Variants in NEGR1 observed in about 807,000 individuals in gnomAD.
NEGR1 encodes neuronal growth regulator 1.
NEGR1 carries 10 observed loss-of-function variants against 40.9 expected under a neutral mutation model. The ratio of observed to expected loss-of-function variants is 0.24; its 90% confidence interval spans 0.15 to 0.42. NEGR1 has a LOEUF of 0.42. NEGR1 is among the 10% of genes least tolerant of loss of function. The pLI is 1.00. For synonymous variants in NEGR1, 185 were observed against 166.8 expected (o/e 1.11, Z -0.84); for missense variants, 352 against 438.9 (o/e 0.80, Z 1.77).
At chr1:71,942,977 A>ATATATATATAT (rs1557446726) in intron 1 of NEGR1, among the ~76,000 whole-genome samples, 15 of 119,496 alleles carry the variant, frequency 1.3e-4, no homozygotes, top group African/African-American at 4.3e-4. Flanking sequence ...TATATATATA[A>ATATATATATAT]GTATATATGT....
chr1:72,036,909 A>G (rs574330018), intron 1 of NEGR1, among the ~76,000 whole-genome samples: 1 of 152,074 alleles, frequency 6.6e-6, no homozygotes, highest in South Asian at 2.1e-4. Context: ...AATGTGTGGC[A>G]CAAGGTAGAG....
intron 6 of NEGR1, among the ~76,000 whole-genome samples, chr1:71,487,246 T>C (rs750760446): frequency 2.0e-5 from 3 of 151,658 alleles, no homozygotes; most frequent in Non-Finnish European, 3.0e-5. Flanking sequence ...TAACACTTTG[T>C]CTAATGTCAT....
chr1:71,748,464 G>C (rs1052350252), intron 3 of NEGR1, among the ~76,000 whole-genome samples: 10 of 151,870 alleles, frequency 6.6e-5, no homozygotes, highest in African/African-American at 2.4e-4. Context: ...TATTTTCTTA[G>C]GTTTTAAACA....
chr1:71,729,871 G>T (rs1360492701), intron 3 of NEGR1, among the ~76,000 whole-genome samples: 1 of 150,654 alleles, frequency 6.6e-6, no homozygotes, highest in Non-Finnish European at 1.5e-5. Context: ...GTAAAGATGG[G>T]GTTTTTCCAT....
At chr1:72,080,374 G>A (rs951566196) in intron 1 of NEGR1, among the ~76,000 whole-genome samples, 29 of 151,718 alleles carry the variant, frequency 1.9e-4, no homozygotes, top group African/African-American at 5.3e-4. Context: ...CAGATTTATC[G>A]TATTATTTAA....
At chr1:72,129,333 G>C (rs371023931) in intron 1 of NEGR1, among the ~76,000 whole-genome samples, 1 of 151,924 alleles carries the variant, frequency 6.6e-6, no homozygotes, top group Admixed American at 6.6e-5. Context: ...TGACCAAAAC[G>C]TATTTACTTT....
At chr1:71,899,731 CTG>C (rs1478856814) in intron 2 of NEGR1, among the ~76,000 whole-genome samples, 2 of 152,126 alleles carry the variant, frequency 1.3e-5, no homozygotes, top group East Asian at 1.9e-4. Flanking sequence ...GGGAATGACT[CTG>C]TTTTTATCAG....
chr1:71,956,557 AT>A (rs143711579), intron 1 of NEGR1, among the ~76,000 whole-genome samples: 1,646 of 152,164 alleles, frequency 0.011, 37 homozygotes, highest in African/African-American at 0.038. Context: ...TATTAGTAAA[AT>A]TTTGTCATCA....
Position 71,714,753 on chromosome 1 carries a change from G to A in NEGR1, c.536-16614C>T, listed in dbSNP as rs147095424. Among the ~76,000 whole-genome samples, 334 of 152,332 alleles carry A rather than the reference G, an allele frequency of 2.2e-3. 1 individual carries two copies. Among genetic ancestry groups the A allele is most frequent in the African/African-American group, 7.6e-3 (317 of 41,586 alleles). ...TGAGAAGCTCCCATGGCCTTGGCCAGCTCCAGCCCTGTGGATTTGCAGGGT... is the reference window on the plus strand; with the variant it reads ...TGAGAAGCTCCCATGGCCTTGGCCAACTCCAGCCCTGTGGATTTGCAGGGT... On this transcript the variant is annotated intron_variant, in intron 3 of 6. Transcript: ENST00000357731.
At chr1:71,513,831 G>A (rs967533594) in intron 6 of NEGR1, among the ~76,000 whole-genome samples, 4 of 150,746 alleles carry the variant, frequency 2.7e-5, no homozygotes, top group Admixed American at 2.6e-4. Context: ...TCTCACTAGG[G>A]AGTGCCAGAC....
chr1:71,966,447 A>G (rs1343179540), intron 1 of NEGR1, among the ~76,000 whole-genome samples: 1 of 152,200 alleles, frequency 6.6e-6, no homozygotes. Context: ...CACACCGGAT[A>G]GAGTTACTCT....
intron 2 of NEGR1, among the ~76,000 whole-genome samples, chr1:71,835,888 C>CTA (rs1240540609): frequency 6.6e-6 from 1 of 152,060 alleles, no homozygotes; most frequent in Admixed American, 6.6e-5. Flanking sequence ...AGATTGTACA[C>CTA]TATATATATG....
At chr1:71,978,336 T>G (rs567184611) in intron 1 of NEGR1, among the ~76,000 whole-genome samples, 1 of 152,172 alleles carries the variant, frequency 6.6e-6, no homozygotes, top group Non-Finnish European at 1.5e-5. Flanking sequence ...ATTTAAGAAG[T>G]CTTTTCTTTA....
chr1:71,652,595 G>A (rs998941238), intron 4 of NEGR1, among the ~76,000 whole-genome samples: 1 of 152,116 alleles, frequency 6.6e-6, no homozygotes, highest in Non-Finnish European at 1.5e-5. Context: ...AAGCTGGCCC[G>A]GTGTGGTGGC....
intron 4 of NEGR1, among the ~76,000 whole-genome samples, chr1:71,614,851 C>T (rs1468013359): frequency 6.6e-6 from 1 of 152,102 alleles, no homozygotes; most frequent in Non-Finnish European, 1.5e-5. Context: ...ACATACGGCT[C>T]AGTACTGGGT....
chr1:71,972,144 C>T (rs1570567107), intron 1 of NEGR1, among the ~76,000 whole-genome samples: 1 of 152,164 alleles, frequency 6.6e-6, no homozygotes, highest in East Asian at 1.9e-4. Context: ...ATGGCAGTTT[C>T]AGCTAATGAG....
chr1:71,399,768 G>T lies in NEGR1; in HGVS notation c.*7678C>A, dbSNP rs1258252834. 6.6e-6 allele frequency: 1 copy of T among 152,176 alleles called. No homozygotes were observed. The highest frequency in any genetic ancestry group is 2.4e-5 in the African/African-American group (1 of 41,434). 9.4% of individuals were successfully genotyped at this position (152,176 alleles called of 1,614,324 possible). ...ACATTTTTGCCAGGTCACTTGTCAA[G>T]TACTTGGTAGGGAGATGTCAAGTTT... On this transcript the variant is annotated 3_prime_UTR_variant, in exon 7 of 7. Coordinates refer to ENST00000357731, the MANE Select transcript of NEGR1 (RefSeq NM_173808.3).
intron 1 of NEGR1, among the ~76,000 whole-genome samples, chr1:71,995,918 TTTG>T (rs1646500420): frequency 6.6e-6 from 1 of 152,192 alleles, no homozygotes; most frequent in Non-Finnish European, 1.5e-5. Flanking sequence ...AGTAGCTAGT[TTTG>T]TTAATTTTTT....
intron 3 of NEGR1, among the ~76,000 whole-genome samples, chr1:71,729,907 T>C (rs980385595): frequency 1.1e-4 from 17 of 151,934 alleles, no homozygotes; most frequent in African/African-American, 4.1e-4. Flanking sequence ...TGAATAGTTT[T>C]AATGAGAAAA....
Sources: gnomAD v4.1 joint callset for allele counts (sites outside exome capture counted in the v4.1 genomes callset) on GRCh38, gnomAD v4.1.1 for gene constraint, MANE v1.5 for transcripts, NCBI Gene and HGNC (gene_info 2026-07-23, HGNC 2026-07-21) for gene names.